The following TRIO variants were observed in gnomAD, a reference collection of about 807,000 sequenced individuals.
TRIO encodes the protein triple functional domain protein.
In TRIO, 58 loss-of-function variants were observed where a neutral mutation model predicts 351.9. That is an observed-to-expected ratio of 0.16 (90% CI 0.13 to 0.21). The LOEUF (loss-of-function observed/expected upper bound fraction) is 0.21. Ranked by LOEUF, TRIO falls within the 10% of genes least tolerant of loss-of-function variation. The pLI is 1.00. For missense variants in TRIO, 3,201 were observed against 4,027.8 expected, an observed-to-expected ratio of 0.79 and a Z score of 5.56; for synonymous variants, 1,758 against 1,595.7, an observed-to-expected ratio of 1.10 and a Z score of -2.42.
chr5:14,492,235 C>A, intron 48 of TRIO: 1 of 333,068 alleles, frequency 3.0e-6, no homozygotes, highest in Non-Finnish European at 5.6e-6. Flanking sequence ...AGTAACCTAA[C>A]GTGGCGTCAG....
rs1757875283 is a variant in TRIO, at chr5:14,508,511, T to C, written c.*89T>C. ...AGAGAAAACAAGCAAACATAACTGA[T>C]CAGCTGCCGGTATGTTCATCGTGTG... is the stretch of plus-strand genomic sequence containing the variant. On this transcript the variant is annotated 3_prime_UTR_variant, in exon 57 of 57. Transcript: ENST00000344204. The C allele has an allele frequency of 2.7e-6, 4 of 1,454,876 alleles. No individual in the cohort carries two copies. The African/African-American group carries it at 5.7e-5, about 21-fold the overall frequency. The allele number at this position is 1,454,876 out of a possible 1,614,324, so 90.1% of individuals were successfully genotyped here. A position where few individuals can be genotyped will look rare whatever the true frequency, so the allele number is the denominator to read the frequency against.
intron 3 of TRIO, among the ~76,000 whole-genome samples, chr5:14,281,698 T>A (rs1368840306): frequency 6.6e-6 from 1 of 152,138 alleles, no homozygotes; most frequent in Non-Finnish European, 1.5e-5. Flanking sequence ...AGGTGTCTCT[T>A]TTATTCCAGA....
At chr5:14,475,361 C>T (rs1754990234) in intron 40 of TRIO, among the ~76,000 whole-genome samples, 1 of 150,624 alleles carries the variant, frequency 6.6e-6, no homozygotes, top group Non-Finnish European at 1.5e-5. Flanking sequence ...GAGCTCCATA[C>T]TTGCTTCTCC....
chr5:14,299,174 A>T (rs562923255), intron 7 of TRIO, among the ~76,000 whole-genome samples: 2 of 152,340 alleles, frequency 1.3e-5, no homozygotes, highest in East Asian at 1.9e-4. Flanking sequence ...ATTATAAAAA[A>T]TTTTAAACAT....
At chr5:14,149,302 TAC>T (rs1222937881) in intron 1 of TRIO, among the ~76,000 whole-genome samples, 1 of 152,232 alleles carries the variant, frequency 6.6e-6, no homozygotes, top group Non-Finnish European at 1.5e-5. Flanking sequence ...TTTTTGATGT[TAC>T]TGAGCCTTCT....
At chr5:14,502,717 A>C in intron 54 of TRIO, 60 bp downstream of exon 54, 2 of 1,516,824 alleles carry the variant, frequency 1.3e-6, no homozygotes, top group African/African-American at 2.7e-5. Flanking sequence ...GACATACCAG[A>C]GAGTGCAGGG....
chr5:14,489,274 T>C (rs1047884724), intron 48 of TRIO: 44 of 458,450 alleles, frequency 9.6e-5, no homozygotes, highest in Admixed American at 1.8e-4. Context: ...GTTATGTATT[T>C]TGTTAAACTT....
At chr5:14,350,178 C>G (rs115308100) in intron 11 of TRIO, among the ~76,000 whole-genome samples, 1 of 152,114 alleles carries the variant, frequency 6.6e-6, no homozygotes, top group Non-Finnish European at 1.5e-5. Flanking sequence ...AAATGTCACC[C>G]TAAGGAAAGG....
chr5:14,366,595 A>T (rs1204097145), intron 15 of TRIO, among the ~76,000 whole-genome samples: 3 of 152,242 alleles, frequency 2.0e-5, no homozygotes, highest in Non-Finnish European at 4.4e-5. Flanking sequence ...TGGACTAATT[A>T]TCAACAATCC....
intron 31 of TRIO, among the ~76,000 whole-genome samples, chr5:14,403,755 TGG>T (rs1203385622): frequency 8.9e-6 from 1 of 111,994 alleles, no homozygotes; most frequent in Non-Finnish European, 1.8e-5. Context: ...AGGGTGCAGG[TGG>T]TGGTGGTGAG....
intron 33 of TRIO, among the ~76,000 whole-genome samples, chr5:14,415,495 G>T (rs779959849): frequency 6.6e-6 from 1 of 152,160 alleles, no homozygotes; most frequent in Non-Finnish European, 1.5e-5. Flanking sequence ...GTGACAACTC[G>T]CAGTGTGAGA....
chr5:14,151,599 C>A (rs1290852525), intron 1 of TRIO, among the ~76,000 whole-genome samples: 1 of 152,124 alleles, frequency 6.6e-6, no homozygotes, highest in Non-Finnish European at 1.5e-5. Flanking sequence ...TGCTTTCAGG[C>A]AAAATGTTTA....
Position 14,263,174 on chromosome 5 carries a change from A to G in TRIO, c.158-7651A>G, listed in dbSNP as rs1230505069. On this transcript the variant is annotated intron_variant, in intron 1 of 56. Transcript: ENST00000344204. ...TTTCCATACCAAATATCTGTACCACAGAACTGACAACTCATATGTGTTGCT... is the reference window on the plus strand; with the variant it reads ...TTTCCATACCAAATATCTGTACCACGGAACTGACAACTCATATGTGTTGCT... 2.6e-5 allele frequency among the ~76,000 whole-genome samples: 4 copies of G among 152,204 alleles called. No individual in the cohort carries two copies. In the South Asian group the frequency reaches 8.3e-4, roughly 32 times the overall value.
intron 1 of TRIO, among the ~76,000 whole-genome samples, chr5:14,241,672 G>A (rs1794137067): frequency 6.6e-6 from 1 of 152,088 alleles, no homozygotes; most frequent in Admixed American, 6.5e-5. Context: ...ATTTAAAATA[G>A]CACAATTTTC....
chr5:14,272,005 G>C (rs1044376459), intron 2 of TRIO, among the ~76,000 whole-genome samples: 25 of 151,632 alleles, frequency 1.6e-4, no homozygotes, highest in African/African-American at 5.9e-4. Context: ...AGAGTGTAAG[G>C]AGTTCATGAA....
At chr5:14,493,258 C>T (rs1336385027) in intron 49 of TRIO, among the ~76,000 whole-genome samples, 1 of 149,162 alleles carries the variant, frequency 6.7e-6, no homozygotes, top group African/African-American at 2.6e-5. Flanking sequence ...GACACAGGCA[C>T]ACCTCAGGTT....
At chr5:14,363,365 T>G (rs1029438430) in intron 13 of TRIO, among the ~76,000 whole-genome samples, 2 of 152,202 alleles carry the variant, frequency 1.3e-5, no homozygotes, top group African/African-American at 4.8e-5. Context: ...ACTTTTAGCT[T>G]CTCTTACTAT....
intron 1 of TRIO, among the ~76,000 whole-genome samples, chr5:14,211,951 C>CA (rs1304747623): frequency 0.093 from 6,407 of 68,848 alleles, 450 homozygotes; most frequent in African/African-American, 0.24. Flanking sequence ...CCCATCTCTC[C>CA]AAAAAAAAAA....
chr5:14,397,098 T>A lies in TRIO; in HGVS notation c.4367T>A (p.Val1456Glu). The change falls in exon 29 of 57, where the codon GTG becomes GAG. Residue 1456 changes from valine (V) to glutamate (E), a missense_variant. Transcript: ENST00000344204. ...GGAGAGATTAAAGATGGCCTGGAGG[T>A]GATGCTCAGCGTGCCGAAGCGAGCC... is the stretch of plus-strand genomic sequence containing the variant. ...GKGEIKDGLE[V>E]MLSVPKRAND... The A allele has an allele frequency of 6.2e-7, 1 of 1,609,884 alleles. No homozygotes were observed. Among genetic ancestry groups the A allele is most frequent in the South Asian group, 1.1e-5 (1 of 89,194 alleles).
Sources: allele counts gnomAD v4.1 joint callset (sites outside exome capture counted in the v4.1 genomes callset), GRCh38; gene constraint gnomAD v4.1.1; transcripts MANE v1.5; gene names NCBI Gene and HGNC (gene_info 2026-07-23, HGNC 2026-07-21).